The following MAP3K15 variants were observed in gnomAD, a reference collection of about 807,000 sequenced individuals.
The protein encoded by MAP3K15 is mitogen-activated protein kinase kinase kinase 15.
In MAP3K15, 124 loss-of-function variants were observed where a neutral mutation model predicts 99.5. That is an observed-to-expected ratio of 1.25 (90% CI 1.08 to 1.45). MAP3K15 has a LOEUF of 1.45. Among genes scored for constraint, MAP3K15 ranks in the 40% most tolerant of loss-of-function variants. The pLI, the probability that MAP3K15 is intolerant of heterozygous loss-of-function variation, is 0.00. For missense variants in MAP3K15, 1,242 were observed against 1,079.7 expected, an observed-to-expected ratio of 1.15 and a Z score of -2.11; for synonymous variants, 494 against 439.6, an observed-to-expected ratio of 1.12 and a Z score of -1.55.
intron 7 of MAP3K15, among the ~76,000 whole-genome samples, chrX:19,427,203 A>C (rs1422428010): frequency 1.8e-5 from 2 of 108,823 alleles, no homozygotes; most frequent in African/African-American, 6.7e-5. Flanking sequence ...GCTGGAGTGC[A>C]ATGGCACAAT....
intron 1 of MAP3K15, among the ~76,000 whole-genome samples, chrX:19,513,258 G>A (rs1003804249): frequency 6.3e-5 from 7 of 111,360 alleles, no homozygotes; most frequent in Middle Eastern, 4.6e-3. Context: ...CACACACTCC[G>A]CCCCAGGGAA....
At chrX:19,402,419 C>T (rs1012080839) in intron 13 of MAP3K15, among the ~76,000 whole-genome samples, 3 of 111,199 alleles carry the variant, frequency 2.7e-5, no homozygotes, top group African/African-American at 9.8e-5. Context: ...GCAGTATCAA[C>T]AACCAAAGCT....
intron 3 of MAP3K15, among the ~76,000 whole-genome samples, chrX:19,475,577 A>G (rs1318413742): frequency 9.0e-6 from 1 of 111,025 alleles, no homozygotes; most frequent in Non-Finnish European, 1.9e-5. Context: ...AAAATGTCGG[A>G]CTTCCTTCAG....
At chrX:19,459,824 T>C (rs1402488034) in intron 5 of MAP3K15, among the ~76,000 whole-genome samples, 161 bp downstream of exon 5, 1 of 112,009 alleles carries the variant, frequency 8.9e-6, no homozygotes, top group Non-Finnish European at 1.9e-5. Context: ...CACTCCAGCC[T>C]GGGCAACAAG....
In MAP3K15 at chrX:19,372,643, G is replaced by C; in HGVS notation, c.3108+10C>G. The C allele has an allele frequency of 8.4e-7, 1 of 1,193,758 alleles. No individual in the cohort carries two copies. Among genetic ancestry groups the C allele is most frequent in the Non-Finnish European group, 1.1e-6 (1 of 883,754 alleles). On this transcript the variant is annotated intron_variant, in intron 22 of 28. Transcript: ENST00000338883. ...GCGGGAAGAGTCGGTGCCCTCCCTC[G>C]GGCAAATACCTGGGCCACACACTCC...
Position 19,373,545 on chromosome X carries a change from T to C in MAP3K15, c.2924A>G (p.His975Arg), listed in dbSNP as rs761847445. ...RTRAPRHHLG[H>R]LLSVPDESSA... ...CAGAATACGGGTGTACCTGAGGAGG[T>C]GGCCAAGGTGGTGCCTGGGCGCCCG... The change falls in exon 21 of 29, where the codon CAC (histidine) becomes CGC (arginine). Residue 975 changes from histidine to arginine, a missense_variant. Physicochemically the swap from His to Arg is conservative, Grantham distance 29. Transcript: ENST00000338883. The C allele has an allele frequency of 8.6e-7, 1 of 1,168,029 alleles. No homozygotes were observed. The highest frequency in any genetic ancestry group is 1.9e-5 in the South Asian group (1 of 52,763).
chrX:19,445,954 C>G (rs6527922), intron 6 of MAP3K15, among the ~76,000 whole-genome samples: 1 of 103,595 alleles, frequency 9.7e-6, no homozygotes, highest in East Asian at 2.9e-4. Flanking sequence ...TCTCAAAAAT[C>G]AATAAATAAA....
intron 2 of MAP3K15, among the ~76,000 whole-genome samples, chrX:19,488,183 T>A (rs1334801921): frequency 8.9e-6 from 1 of 112,336 alleles, no homozygotes. Context: ...ATAACTCATG[T>A]TAAACATTTC....
At chrX:19,420,587 C>T (rs1234234926) in intron 9 of MAP3K15, among the ~76,000 whole-genome samples, 5 of 111,524 alleles carry the variant, frequency 4.5e-5, no homozygotes, top group Non-Finnish European at 7.5e-5. Flanking sequence ...AATTCACAGC[C>T]GAATTCTACC....
intron 24 of MAP3K15, among the ~76,000 whole-genome samples, chrX:19,369,998 G>C (rs1008808455): frequency 1.1e-4 from 12 of 111,585 alleles, no homozygotes; most frequent in African/African-American, 3.3e-4. Flanking sequence ...TGTCTGCTTG[G>C]AGTGGGAGAG....
At position 19,372,728 on chromosome X, in the gene MAP3K15, G is replaced by A; in HGVS notation, c.3033C>T (p.Arg1011=). 1.7e-6 allele frequency: 2 copies of A among 1,211,794 alleles called. No homozygotes were observed. Among genetic ancestry groups the A allele is most frequent in the Middle Eastern group, 2.3e-4 (1 of 4,354 alleles). ...AGAGGATTTTGTACAGGATGGCACG[G>A]CGCTCACTGTCCTTGCGTAGCAGGA... is the stretch of plus-strand genomic sequence containing the variant. ...GLFLLRKDSE[R]RAILYKILWE... The change falls in exon 22 of 29, where the codon CGC becomes CGT. Residue 1011 remains arginine, a synonymous_variant. Transcript: ENST00000338883.
At position 19,411,164 on chromosome X, in the gene MAP3K15, AC is replaced by A. The variant is rs2063684362; in HGVS notation, c.1699-1192del. 5.5e-5 allele frequency among the ~76,000 whole-genome samples: 6 copies of A among 108,713 alleles called. No individual in the cohort carries two copies. The South Asian group carries it at 2.0e-3, about 37-fold the overall frequency. 94.4% of individuals were successfully genotyped at this position (108,713 alleles called of 115,157 possible). A position where few individuals can be genotyped will look rare whatever the true frequency, so the allele number is the denominator to read the frequency against. ...ACTCCACTGCACTCCAGCCTAGGTG[AC>A]AGAATGAGACCCTGCCTCAAAAAAA... On this transcript the variant is annotated intron_variant, in intron 11 of 28. Transcript: ENST00000338883.
At chrX:19,375,778 T>TC (rs1238172353) in intron 19 of MAP3K15, among the ~76,000 whole-genome samples, 2 of 112,320 alleles carry the variant, frequency 1.8e-5, no homozygotes, top group Non-Finnish European at 3.8e-5. Flanking sequence ...CCACTTCCTG[T>TC]CCCCAAGGCC....
At chrX:19,449,917 G>A (rs2064025876) in intron 6 of MAP3K15, among the ~76,000 whole-genome samples, 3 of 108,780 alleles carry the variant, frequency 2.8e-5, no homozygotes, top group African/African-American at 6.6e-5. Flanking sequence ...TTTGGAAATG[G>A]TCAAAAGTTA....
chrX:19,374,582 C>T lies in MAP3K15; in HGVS notation c.2668G>A (p.Glu890Lys), dbSNP rs748945931. 32 of 1,209,277 alleles carry T rather than the reference C, an allele frequency of 2.6e-5. No homozygotes were observed. Among genetic ancestry groups the T allele is most frequent in the Middle Eastern group, 2.3e-4 (1 of 4,353 alleles). ...GTGGCACGTTTGTGGGGGTCAGGCT[C>T]GAAACAGGATAAAATGAAGGCTCGG... ...EARAFILSCF[E>K]PDPHKRATTA... The change falls in exon 20 of 29, where the codon GAG becomes AAG. Residue 890 changes from glutamate (E) to lysine (K), a missense_variant. Glu to Lys is a moderately conservative substitution (Grantham distance 56). Transcript: ENST00000338883.
At chrX:19,502,671 T>C (rs2064448203) in intron 1 of MAP3K15, among the ~76,000 whole-genome samples, 1 of 110,961 alleles carries the variant, frequency 9.0e-6, no homozygotes, top group East Asian at 2.8e-4. Flanking sequence ...AATACAAAAA[T>C]TAGCCAGACA....
intron 3 of MAP3K15, among the ~76,000 whole-genome samples, chrX:19,472,324 G>A (rs992739579): frequency 2.7e-5 from 3 of 110,491 alleles, no homozygotes; most frequent in Admixed American, 9.7e-5. Flanking sequence ...TTGAATTCAC[G>A]TGATAAAAAA....
At chrX:19,474,542 T>TGG (rs1491492013) in intron 3 of MAP3K15, among the ~76,000 whole-genome samples, 3,067 of 50,338 alleles carry the variant, frequency 0.061, 501 homozygotes, top group Non-Finnish European at 0.066. Context: ...TTCTTGGAGG[T>TGG]TGGGGGGGGG....
chrX:19,451,448 A>T (rs2064037978), intron 6 of MAP3K15, among the ~76,000 whole-genome samples: 1 of 81,697 alleles, frequency 1.2e-5, no homozygotes, highest in Admixed American at 1.2e-4. Flanking sequence ...ATATATATAT[A>T]AAAAAAAAAA....
Sources: allele counts gnomAD v4.1 joint callset (sites outside exome capture counted in the v4.1 genomes callset), GRCh38; gene constraint gnomAD v4.1.1; transcripts MANE v1.5; gene names NCBI Gene and HGNC (gene_info 2026-07-23, HGNC 2026-07-21).